Variants in BANK1 observed in about 807,000 individuals in gnomAD.
The protein encoded by BANK1 is B-cell scaffold protein with ankyrin repeats.
In BANK1, 95 loss-of-function variants were observed where a neutral mutation model predicts 94.5. That is an observed-to-expected ratio of 1.00 (90% CI 0.85 to 1.19). The LOEUF is 1.19. Ranked by LOEUF, BANK1 falls within the 50% of genes most tolerant of loss-of-function variation. The probability of loss-of-function intolerance (pLI) is 0.00; values close to 1 mark genes in which losing one functional copy is unlikely to be tolerated. For missense variants in BANK1, 987 were observed against 932.2 expected, an observed-to-expected ratio of 1.06 and a Z score of -0.77; for synonymous variants, 334 against 308.4, an observed-to-expected ratio of 1.08 and a Z score of -0.87.
At chr4:101,980,856 T>C (rs1018765636) in intron 7 of BANK1, among the ~76,000 whole-genome samples, 1 of 152,028 alleles carries the variant, frequency 6.6e-6, no homozygotes, top group Non-Finnish European at 1.5e-5. Context: ...CTATCATGAA[T>C]TGGTCTTCAT....
intron 11 of BANK1, among the ~76,000 whole-genome samples, chr4:102,052,119 T>TC (rs1728071298): frequency 1.2e-5 from 1 of 84,588 alleles, no homozygotes; most frequent in African/African-American, 3.8e-5. Context: ...TTTTCTTTTT[T>TC]TTTTTTTTTT....
chr4:102,072,265 C>T, intron 14 of BANK1, 80 bp from the exon 15 acceptor site: 1 of 1,189,444 alleles, frequency 8.4e-7, no homozygotes, highest in Non-Finnish European at 1.2e-6. Flanking sequence ...TTGTAGAAAT[C>T]ATTTTTAAGA....
intron 6 of BANK1, among the ~76,000 whole-genome samples, chr4:101,898,732 G>T (rs1050903645): frequency 4.6e-5 from 7 of 151,874 alleles, no homozygotes; most frequent in Non-Finnish European, 8.8e-5. Context: ...TAAATTCTGG[G>T]TTTAGTTTCC....
chr4:101,891,823 T>C (rs1339247029), intron 5 of BANK1, among the ~76,000 whole-genome samples: 1 of 152,062 alleles, frequency 6.6e-6, no homozygotes, highest in Non-Finnish European at 1.5e-5. Flanking sequence ...TTCTAAAAAT[T>C]CTAGTTGGTT....
intron 1 of BANK1, among the ~76,000 whole-genome samples, chr4:101,826,037 C>T (rs1234365822): frequency 6.6e-6 from 1 of 151,950 alleles, no homozygotes; most frequent in African/African-American, 2.4e-5. Context: ...ATAGCTTATT[C>T]TACAATTTTC....
At chr4:102,073,893 A>G in intron 16 of BANK1, 112 bp from the exon 17 acceptor site, 5 of 605,468 alleles carry the variant, frequency 8.3e-6, no homozygotes, top group Non-Finnish European at 1.4e-5. Flanking sequence ...TTCAAGCTAA[A>G]GGTGATTGCT....
intron 5 of BANK1, among the ~76,000 whole-genome samples, chr4:101,875,349 A>G (rs1728449245): frequency 6.6e-6 from 1 of 152,208 alleles, no homozygotes; most frequent in South Asian, 2.1e-4. Context: ...TCACACTGCT[A>G]TAAAGAACTA....
At chr4:102,039,981 C>T (rs1727651754) in intron 10 of BANK1, among the ~76,000 whole-genome samples, 1 of 152,034 alleles carries the variant, frequency 6.6e-6, no homozygotes, top group South Asian at 2.1e-4. Context: ...TTATCATTCA[C>T]AAAATGAATG....
At chr4:102,038,407 A>G (rs1248014091) in intron 10 of BANK1, among the ~76,000 whole-genome samples, 2 of 152,188 alleles carry the variant, frequency 1.3e-5, no homozygotes, top group African/African-American at 2.4e-5. Flanking sequence ...TCAGAATGTT[A>G]CTAGAGTTAT....
chr4:102,069,718 T>A (rs988330759), intron 13 of BANK1, among the ~76,000 whole-genome samples: 2 of 152,192 alleles, frequency 1.3e-5, no homozygotes, highest in Non-Finnish European at 2.9e-5. Context: ...CAAATGCAAA[T>A]GTCCAATGGA....
intron 7 of BANK1, among the ~76,000 whole-genome samples, chr4:102,002,967 G>A (rs1381895817): frequency 6.6e-6 from 1 of 152,054 alleles, no homozygotes; most frequent in Non-Finnish European, 1.5e-5. Context: ...AGAGATGGGG[G>A]CCACACTGGT....
intron 4 of BANK1, among the ~76,000 whole-genome samples, chr4:101,864,032 G>A (rs1727978334): frequency 6.6e-6 from 1 of 152,080 alleles, no homozygotes; most frequent in Non-Finnish European, 1.5e-5. Flanking sequence ...TTAATTATAA[G>A]AAAAGCAGAA....
chr4:101,953,730 G>A (rs745356433), intron 7 of BANK1, among the ~76,000 whole-genome samples: 1 of 151,946 alleles, frequency 6.6e-6, no homozygotes, highest in Non-Finnish European at 1.5e-5. Context: ...AAATCTCATG[G>A]TCTCAGTGAT....
intron 5 of BANK1, among the ~76,000 whole-genome samples, chr4:101,885,316 C>T (rs190366558): frequency 1.1e-4 from 16 of 152,286 alleles, no homozygotes; most frequent in Admixed American, 2.6e-4. Flanking sequence ...TGACATGAGC[C>T]ATGTAGCCCT....
intron 7 of BANK1, among the ~76,000 whole-genome samples, chr4:101,991,963 G>A (rs985509846): frequency 6.6e-6 from 1 of 152,138 alleles, no homozygotes; most frequent in Non-Finnish European, 1.5e-5. Context: ...CCTGAAGCCT[G>A]AGAGCAAATG....
chr4:101,795,974 A>G (rs1379958889), intron 1 of BANK1, among the ~76,000 whole-genome samples: 1 of 152,234 alleles, frequency 6.6e-6, no homozygotes, highest in African/African-American at 2.4e-5. Flanking sequence ...CTGTGTAAGT[A>G]TAAGCCACAT....
intron 2 of BANK1, among the ~76,000 whole-genome samples, chr4:101,852,888 T>C (rs983341349): frequency 1.3e-5 from 2 of 152,136 alleles, no homozygotes; most frequent in African/African-American, 4.8e-5. Context: ...CACAGAAGAA[T>C]TAGCAGAAAA....
chr4:101,818,760 T>C (rs1726018570), intron 1 of BANK1, among the ~76,000 whole-genome samples: 1 of 152,098 alleles, frequency 6.6e-6, no homozygotes, highest in Non-Finnish European at 1.5e-5. Context: ...ATCATAGACA[T>C]ACATTTATAG....
intron 2 of BANK1, among the ~76,000 whole-genome samples, chr4:101,831,747 T>A (rs1726630230): frequency 6.6e-6 from 1 of 152,212 alleles, no homozygotes; most frequent in South Asian, 2.1e-4. Flanking sequence ...AGTGTTGGGA[T>A]TACAGGTGTG....
Sources: allele counts gnomAD v4.1 joint callset (sites outside exome capture counted in the v4.1 genomes callset), GRCh38; gene constraint gnomAD v4.1.1; transcripts MANE v1.5; gene names NCBI Gene and HGNC (gene_info 2026-07-23, HGNC 2026-07-21).